Variants in KDM2A observed in about 807,000 individuals in gnomAD.
KDM2A encodes lysine-specific demethylase 2A.
KDM2A carries 3 observed loss-of-function variants against 137.3 expected under a neutral mutation model. The ratio of observed to expected loss-of-function variants is 0.02; its 90% CI spans 0.01 to 0.06. The LOEUF (loss-of-function observed/expected upper bound fraction) is 0.06. Among genes scored for constraint, KDM2A ranks in the 10% least tolerant of loss-of-function variants. KDM2A has a pLI of 1.00. For missense variants in KDM2A, 738 were observed against 1,510.6 expected, an observed-to-expected ratio of 0.49 and a Z score of 8.48; for synonymous variants, 512 against 541.5, an observed-to-expected ratio of 0.95 and a Z score of 0.76.
At chr11:67,195,991 A>G (rs1020051563) in intron 5 of KDM2A, 4 of 431,330 alleles carry the variant, frequency 9.3e-6, no homozygotes, top group African/African-American at 2.0e-5. Flanking sequence ...GATTTCTTCA[A>G]ACTTATCTCA....
intron 2 of KDM2A, chr11:67,148,960 A>G (rs1856319734): frequency 6.6e-6 from 1 of 152,188 alleles, no homozygotes; most frequent in Non-Finnish European, 1.5e-5. Context: ...AATCTTGTAA[A>G]CTATTTATAG....
At chr11:67,215,305 C>T in intron 6 of KDM2A, 35 bp from the exon 7 acceptor site, 2 of 1,432,952 alleles carry the variant, frequency 1.4e-6, no homozygotes, top group South Asian at 1.2e-5. Context: ...CAACCTTTCC[C>T]TTGGAGCCCA....
In KDM2A at chr11:67,250,388, G is replaced by A; in HGVS notation, c.2358G>A (p.Leu786=). The A allele has an allele frequency of 6.2e-7, 1 of 1,614,042 alleles. No individual in the cohort carries two copies. Among genetic ancestry groups the A allele is most frequent in the Non-Finnish European group, 8.5e-7 (1 of 1,179,896 alleles). ...KENNPSGKKE[L]SEVEKAKIRG... ...ACAATCCCAGCGGCAAAAAGGAGCT[G>A]TCTGAAGTTGAGAAAGCCAAGATCC... The change falls in exon 17 of 21, where the codon CTG becomes CTA. Residue 786 remains leucine (L), a synonymous_variant. Transcript: ENST00000529006. The surrounding 1 kb of genome is among the most constrained non-coding windows in gnomAD (Gnocchi z 7.1).
intron 2 of KDM2A, among the ~76,000 whole-genome samples, chr11:67,144,911 C>G (rs969689964): frequency 1.3e-5 from 2 of 151,104 alleles, no homozygotes; most frequent in African/African-American, 4.9e-5. Context: ...GCTCTGTCAT[C>G]CAGGCTGGAG....
chr11:67,175,092 G>T (rs920074520), intron 2 of KDM2A, among the ~76,000 whole-genome samples: 1 of 152,112 alleles, frequency 6.6e-6, no homozygotes, highest in Non-Finnish European at 1.5e-5. Flanking sequence ...CTGTTAAAGT[G>T]GCCTTACCTT....
In KDM2A at chr11:67,151,939, T is replaced by C. The variant is rs1267360303; in HGVS notation, c.43-28140T>C. Among the ~76,000 whole-genome samples, 5 of 152,164 alleles carry C rather than the reference T, an allele frequency of 3.3e-5. No individual in the cohort carries two copies. The East Asian group carries it at 9.7e-4, about 29-fold the overall frequency. On this transcript the variant is annotated intron_variant, in intron 2 of 20. Coordinates refer to ENST00000529006, the MANE Select transcript of KDM2A (RefSeq NM_012308.3). ...TTTTTAATTTTTGGTAGAGGCAAGG[T>C]TTTGTTACATTGCCCTGGCCTGAAA... is the stretch of plus-strand genomic sequence containing the variant.
intron 5 of KDM2A, among the ~76,000 whole-genome samples, chr11:67,190,479 A>G (rs182942408): frequency 8.5e-5 from 13 of 152,298 alleles, no homozygotes; most frequent in African/African-American, 2.6e-4. Flanking sequence ...GTAAGAGAAT[A>G]CTATGCGTGG....
intron 16 of KDM2A, 63 bp downstream of exon 16, chr11:67,248,433 T>A: frequency 4.4e-6 from 5 of 1,143,386 alleles, no homozygotes; most frequent in African/African-American, 1.5e-5. Context: ...GGGGGATTGC[T>A]ACACGTTTGC....
intron 2 of KDM2A, among the ~76,000 whole-genome samples, chr11:67,134,568 G>A (rs978417007): frequency 4.6e-5 from 7 of 151,834 alleles, no homozygotes; most frequent in Admixed American, 3.9e-4. Context: ...GTAGTGGTGC[G>A]ATCTCGGCTC....
chr11:67,249,832 C>T (rs1355869948), intron 16 of KDM2A, among the ~76,000 whole-genome samples: 1 of 152,096 alleles, frequency 6.6e-6, no homozygotes, highest in Non-Finnish European at 1.5e-5. Context: ...AAGTCAGAGA[C>T]GCAATTAAAA....
intron 2 of KDM2A, among the ~76,000 whole-genome samples, chr11:67,131,457 G>T (rs1855853970): frequency 6.7e-6 from 1 of 149,400 alleles, no homozygotes; most frequent in Non-Finnish European, 1.5e-5. Context: ...TGTCGCCCAG[G>T]TTGGAGTGTA....
At chr11:67,160,960 A>G (rs1305573225) in intron 2 of KDM2A, among the ~76,000 whole-genome samples, 1 of 152,234 alleles carries the variant, frequency 6.6e-6, no homozygotes, top group African/African-American at 2.4e-5. Context: ...TAAATAATTA[A>G]TGAACAAAAA....
At chr11:67,170,578 A>G (rs755274824) in intron 2 of KDM2A, among the ~76,000 whole-genome samples, 31 of 151,554 alleles carry the variant, frequency 2.0e-4, no homozygotes, top group Non-Finnish European at 3.7e-4. Context: ...ACACCGGGCT[A>G]ATATTTTTGT....
At chr11:67,213,892 T>G (rs1368588502) in intron 6 of KDM2A, among the ~76,000 whole-genome samples, 1 of 152,172 alleles carries the variant, frequency 6.6e-6, no homozygotes, top group African/African-American at 2.4e-5. Context: ...ATTGAGACAG[T>G]CTTGCCCTGT....
At position 67,219,275 on chromosome 11, in the gene KDM2A, C is replaced by T; in HGVS notation, c.842-13C>T. 6.8e-7 allele frequency: 1 copy of T among 1,460,984 alleles called. No individual in the cohort carries two copies. The highest frequency in any genetic ancestry group is 9.4e-7 in the Non-Finnish European group (1 of 1,068,152). The allele number at this position is 1,460,984 out of a possible 1,614,324, so 90.5% of individuals were successfully genotyped here. ...GTGTTTTCAGCCACTGCCCTCTGTTCCCCTTCTCCTAGGCTGGATTCATGC... is the reference window on the plus strand; with the variant it reads ...GTGTTTTCAGCCACTGCCCTCTGTTTCCCTTCTCCTAGGCTGGATTCATGC... On this transcript the variant is annotated splice_polypyrimidine_tract_variant and intron_variant, in intron 9 of 20. Coordinates refer to ENST00000529006, the MANE Select transcript of KDM2A (RefSeq NM_012308.3).
chr11:67,241,584 G>C (rs1181990416), intron 12 of KDM2A, among the ~76,000 whole-genome samples: 1 of 152,168 alleles, frequency 6.6e-6, no homozygotes, highest in Non-Finnish European at 1.5e-5. Flanking sequence ...AACCTGTCCA[G>C]GATCAGAGTT....
Position 67,257,488 on chromosome 11 carries a change from G to C in KDM2A, c.*2433G>C, listed in dbSNP as rs764984915. 6.6e-6 allele frequency: 1 copy of C among 152,464 alleles called. No homozygotes were observed. The highest frequency in any genetic ancestry group is 1.5e-5 in the Non-Finnish European group (1 of 68,032). The allele number at this position is 152,464 out of a possible 1,614,324, so 9.4% of individuals were successfully genotyped here. A position where few individuals can be genotyped will look rare whatever the true frequency, so the allele number is the denominator to read the frequency against. ...TGTCCTACAATCTGCTCTTAGACAC[G>C]GCCTTGCCAGGAGAGCCTGCCCTCA... On this transcript the variant is annotated 3_prime_UTR_variant, in exon 21 of 21. Coordinates refer to ENST00000529006, the MANE Select transcript of KDM2A (RefSeq NM_012308.3).
At chr11:67,194,482 T>C (rs1050747959) in intron 5 of KDM2A, among the ~76,000 whole-genome samples, 37 of 152,210 alleles carry the variant, frequency 2.4e-4, no homozygotes, top group Non-Finnish European at 2.9e-5. Flanking sequence ...GATCAGGAGT[T>C]ATATATACTG....
intron 5 of KDM2A, among the ~76,000 whole-genome samples, chr11:67,191,628 C>G (rs1384177553): frequency 6.6e-6 from 1 of 152,040 alleles, no homozygotes; most frequent in African/African-American, 2.4e-5. Context: ...AGGTATTTGA[C>G]AAAATTCAAC....
Sources: allele counts gnomAD v4.1 joint callset (sites outside exome capture counted in the v4.1 genomes callset), GRCh38; gene constraint gnomAD v4.1.1; non-coding constraint Gnocchi (gnomAD v3.1); transcripts MANE v1.5; gene names NCBI Gene and HGNC (gene_info 2026-07-23, HGNC 2026-07-21).